The following CGNL1 variants were observed in gnomAD, a reference collection of about 807,000 sequenced individuals.
The protein encoded by CGNL1 is cingulin-like protein 1.
CGNL1 carries 132 observed loss-of-function variants against 141.2 expected under a neutral mutation model. That is an observed-to-expected ratio of 0.93 (90% CI 0.81 to 1.08). The LOEUF (loss-of-function observed/expected upper bound fraction) is 1.08. Ranked by LOEUF, CGNL1 falls within the 50% of genes least tolerant of loss-of-function variation. CGNL1 has a pLI of 0.00. For synonymous variants in CGNL1, 690 were observed against 622.1 expected, an observed-to-expected ratio of 1.11 and a Z score of -1.63; for missense variants, 1,870 against 1,588.6, an observed-to-expected ratio of 1.18 and a Z score of -3.01.
At chr15:57,494,982 T>C (rs2063917136) in intron 8 of CGNL1, among the ~76,000 whole-genome samples, 1 of 152,236 alleles carries the variant, frequency 6.6e-6, no homozygotes, top group Non-Finnish European at 1.5e-5. Context: ...ATTCCTTGTA[T>C]GACAGGAACC....
intron 14 of CGNL1, among the ~76,000 whole-genome samples, chr15:57,532,845 A>C (rs2032029195): frequency 6.6e-6 from 1 of 152,166 alleles, no homozygotes; most frequent in Non-Finnish European, 1.5e-5. Flanking sequence ...TGGCCAATAG[A>C]TTGTTATTCA....
intron 1 of CGNL1, among the ~76,000 whole-genome samples, chr15:57,422,423 C>G (rs1454263755): frequency 6.6e-5 from 10 of 152,114 alleles, no homozygotes; most frequent in African/African-American, 2.4e-4. Context: ...GTTTTTAATA[C>G]AAGAACCTTC....
At chr15:57,401,297 C>T (rs2062657929) in intron 1 of CGNL1, among the ~76,000 whole-genome samples, 1 of 152,128 alleles carries the variant, frequency 6.6e-6, no homozygotes, top group African/African-American at 2.4e-5. Flanking sequence ...TTCTTCTGTT[C>T]AGAGTTAATT....
intron 9 of CGNL1, among the ~76,000 whole-genome samples, chr15:57,517,689 G>T (rs2030923432): frequency 6.6e-6 from 1 of 152,234 alleles, no homozygotes; most frequent in East Asian, 1.9e-4. Flanking sequence ...CAGAGGTGGA[G>T]TGGGGAACTG....
At chr15:57,460,563 G>T (rs930390244) in intron 7 of CGNL1, among the ~76,000 whole-genome samples, 7 of 152,132 alleles carry the variant, frequency 4.6e-5, no homozygotes, top group African/African-American at 1.7e-4. Context: ...CGCATGGCTG[G>T]GGAGGCCTCA....
At chr15:57,420,160 G>C (rs1595684800) in intron 1 of CGNL1, among the ~76,000 whole-genome samples, 1 of 151,992 alleles carries the variant, frequency 6.6e-6, no homozygotes, top group Non-Finnish European at 1.5e-5. Context: ...TATATTTCCT[G>C]CCCTAGTCTT....
chr15:57,526,296 A>G (rs1466993975), intron 12 of CGNL1, among the ~76,000 whole-genome samples: 1 of 152,138 alleles, frequency 6.6e-6, no homozygotes. Context: ...TGGACACCTC[A>G]TCATTCTGCA....
chr15:57,488,411 G>C (rs2063813432), intron 8 of CGNL1, among the ~76,000 whole-genome samples: 1 of 152,156 alleles, frequency 6.6e-6, no homozygotes, highest in East Asian at 1.9e-4. Flanking sequence ...ATGATGTCCA[G>C]TTTACTCTTT....
At chr15:57,468,234 C>CTTTTTTTTTTTTTTTTTTTTTTTTTTT in intron 8 of CGNL1, among the ~76,000 whole-genome samples, 1 of 85,916 alleles carries the variant, frequency 1.2e-5, no homozygotes, top group Non-Finnish European at 2.1e-5. Context: ...TTTTCTTTTT[C>CTTTTTTTTTTTTTTTTTTTTTTTTTTT]TTTTTTTTTT....
At chr15:57,496,011 A>G (rs1450828720) in intron 8 of CGNL1, among the ~76,000 whole-genome samples, 2 of 152,216 alleles carry the variant, frequency 1.3e-5, no homozygotes, top group Non-Finnish European at 2.9e-5. Flanking sequence ...ATAACCAGGA[A>G]TGACTGTGGA....
intron 8 of CGNL1, among the ~76,000 whole-genome samples, chr15:57,491,677 G>A (rs1342234628): frequency 1.3e-5 from 2 of 152,196 alleles, no homozygotes; most frequent in African/African-American, 4.8e-5. Context: ...TGCCCATGAT[G>A]TAGGAAGAAC....
intron 8 of CGNL1, among the ~76,000 whole-genome samples, chr15:57,488,147 A>G (rs2063809644): frequency 6.6e-6 from 1 of 152,152 alleles, no homozygotes; most frequent in Non-Finnish European, 1.5e-5. Flanking sequence ...TTTCTCTGAT[A>G]ACTAATGATA....
chr15:57,383,847 C>T (rs1250155710), intron 1 of CGNL1, among the ~76,000 whole-genome samples: 1 of 151,816 alleles, frequency 6.6e-6, no homozygotes, highest in Non-Finnish European at 1.5e-5. Context: ...CCATGTTGCC[C>T]AGGCAGGTCT....
chr15:57,423,373 T>C (rs1462125482), intron 1 of CGNL1, among the ~76,000 whole-genome samples: 3 of 152,220 alleles, frequency 2.0e-5, no homozygotes, highest in Non-Finnish European at 4.4e-5. Flanking sequence ...AGGAAATAAA[T>C]GTAGCAGATT....
intron 1 of CGNL1, among the ~76,000 whole-genome samples, chr15:57,423,337 A>G (rs2062937050): frequency 6.6e-6 from 1 of 152,146 alleles, no homozygotes; most frequent in East Asian, 1.9e-4. Flanking sequence ...CCCAACCCCC[A>G]TGGCTGTAAA....
rs28723579 is a variant in CGNL1 at position 57,429,958 on chromosome 15, G to A, written c.-15-8027G>A. On this transcript the variant is annotated intron_variant, in intron 1 of 18. Coordinates refer to ENST00000281282, the MANE Select transcript of CGNL1 (RefSeq NM_032866.5). Reference sequence around the variant, plus strand: ...CCTGAGTAGCTGGGACTACAGGTGCGCACCACCACACTCAGCTAATTTTTG... The same window carrying A: ...CCTGAGTAGCTGGGACTACAGGTGCACACCACCACACTCAGCTAATTTTTG... 1.9e-3 allele frequency among the ~76,000 whole-genome samples: 284 copies of A among 152,162 alleles called. 3 individuals are homozygous for A. The highest frequency in any genetic ancestry group is 6.6e-3 in the African/African-American group (273 of 41,524).
intron 1 of CGNL1, among the ~76,000 whole-genome samples, chr15:57,405,379 C>T (rs1238661118): frequency 1.3e-5 from 2 of 152,208 alleles, no homozygotes; most frequent in Non-Finnish European, 2.9e-5. Context: ...CTGGCATTGA[C>T]TCTGGGCTAC....
intron 14 of CGNL1, among the ~76,000 whole-genome samples, chr15:57,532,274 T>C (rs2279607): frequency 0.36 from 54,597 of 152,044 alleles, 10,854 homozygotes; most frequent in East Asian, 0.54. Context: ...TTGAAACTGC[T>C]GCTGAGTGTT....
rs577489921 is a variant in CGNL1, at chr15:57,524,474, C to T, written c.2869-107C>T. 6 of 1,035,894 alleles carry T rather than the reference C, an allele frequency of 5.8e-6. No homozygotes were observed. The East Asian group carries it at 1.2e-4, about 21-fold the overall frequency. The allele number at this position is 1,035,894 out of a possible 1,614,324, so 64.2% of individuals were successfully genotyped here. A position where few individuals can be genotyped will look rare whatever the true frequency, so the allele number is the denominator to read the frequency against. On this transcript the variant is annotated intron_variant, in intron 11 of 18. Coordinates refer to ENST00000281282, the MANE Select transcript of CGNL1 (RefSeq NM_032866.5). ...AGGTGCTGGGCCATCTTTGAGGGGG[C>T]CATAGAAGAAAGGGAGAAGAGGAGA...
Sources: gnomAD v4.1 joint callset for allele counts (sites outside exome capture counted in the v4.1 genomes callset) on GRCh38, gnomAD v4.1.1 for gene constraint, MANE v1.5 for transcripts, NCBI Gene and HGNC (gene_info 2026-07-23, HGNC 2026-07-21) for gene names.